CNTN4: variants seen among roughly 807,000 people sequenced by gnomAD.
CNTN4 encodes contactin-4.
CNTN4 carries 77 observed loss-of-function variants against 122.5 expected under a neutral mutation model. That is an observed-to-expected ratio of 0.63 (90% CI 0.52 to 0.76). The LOEUF is 0.76. Among genes scored for constraint, CNTN4 ranks in the 30% least tolerant of loss-of-function variants. CNTN4 has a pLI of 0.00. For synonymous variants in CNTN4, 512 were observed against 447.0 expected, an observed-to-expected ratio of 1.15 and a Z score of -1.83; for missense variants, 1,256 against 1,259.1, an observed-to-expected ratio of 1.00 and a Z score of 0.04.
At chr3:2,956,465 G>A (rs1391936) in intron 13 of CNTN4, among the ~76,000 whole-genome samples, 3,880 of 151,870 alleles carry the variant, frequency 0.026, 170 homozygotes, top group African/African-American at 0.089. Context: ...TTTTACCACA[G>A]TAAAAAAGAT....
chr3:2,429,905 A>G (rs2648687), intron 3 of CNTN4, among the ~76,000 whole-genome samples: 46,230 of 151,886 alleles, frequency 0.3, 7,407 homozygotes, highest in Admixed American at 0.38. Flanking sequence ...TAATTTTGCT[A>G]AAACCATTGG....
At chr3:2,572,755 G>A (rs1368251283) in intron 4 of CNTN4, among the ~76,000 whole-genome samples, 3 of 152,160 alleles carry the variant, frequency 2.0e-5, no homozygotes, top group Non-Finnish European at 4.4e-5. Context: ...ACTGGGATCT[G>A]GGAATATAAT....
intron 3 of CNTN4, among the ~76,000 whole-genome samples, chr3:2,505,384 A>T (rs1408461823): frequency 3.9e-5 from 6 of 152,154 alleles, no homozygotes; most frequent in Admixed American, 1.3e-4. Flanking sequence ...TGAAATTTTT[A>T]AAAAAATATT....
At chr3:2,462,874 G>C (rs997433157) in intron 3 of CNTN4, among the ~76,000 whole-genome samples, 2 of 152,076 alleles carry the variant, frequency 1.3e-5, no homozygotes, top group Non-Finnish European at 2.9e-5. Context: ...TCCTAAAATA[G>C]TATCATTTCA....
chr3:2,426,977 C>G (rs374881257), intron 3 of CNTN4, among the ~76,000 whole-genome samples: 5 of 152,098 alleles, frequency 3.3e-5, no homozygotes, highest in South Asian at 4.1e-4. Flanking sequence ...CTTTATTAGT[C>G]TTGCTAGCGG....
chr3:2,545,833 C>T (rs530539548), intron 3 of CNTN4, among the ~76,000 whole-genome samples: 1 of 151,992 alleles, frequency 6.6e-6, no homozygotes, highest in African/African-American at 2.4e-5. Flanking sequence ...CCTTGCCACT[C>T]TGTGCCTTTT....
intron 2 of CNTN4, among the ~76,000 whole-genome samples, chr3:2,118,295 G>A (rs373722033): frequency 3.3e-5 from 5 of 152,152 alleles, no homozygotes; most frequent in South Asian, 4.1e-4. Flanking sequence ...CTGATTGTGA[G>A]CTAAAGCTCT....
chr3:2,192,828 AAAAT>A (rs1033201131), intron 2 of CNTN4, among the ~76,000 whole-genome samples: 14 of 152,272 alleles, frequency 9.2e-5, no homozygotes, highest in Non-Finnish European at 1.6e-4. Context: ...CTATTTAAAA[AAAAT>A]AAATAATGAG....
intron 4 of CNTN4, among the ~76,000 whole-genome samples, chr3:2,617,993 A>G (rs927322099): frequency 6.6e-5 from 10 of 152,192 alleles, no homozygotes; most frequent in African/African-American, 2.2e-4. Flanking sequence ...GAAGTAGAAA[A>G]TATTAAGTAA....
rs553197750 is a variant in CNTN4 at position 2,357,415 on chromosome 3, C to T, written c.-89+18182C>T. On this transcript the variant is annotated intron_variant, in intron 3 of 24. Coordinates refer to ENST00000418658, the MANE Select transcript of CNTN4 (RefSeq NM_175607.3). ...CTTAAGGGACTAATATTTATTATGT[C>T]GATTCCATGCTGTTTTGTTCACTTT... is the stretch of plus-strand genomic sequence containing the variant. 5.9e-5 allele frequency among the ~76,000 whole-genome samples: 9 copies of T among 152,270 alleles called. No homozygotes were observed. The East Asian group carries it at 1.5e-3, about 26-fold the overall frequency.
At chr3:2,803,929 G>C (rs892944504) in intron 6 of CNTN4, among the ~76,000 whole-genome samples, 2 of 152,038 alleles carry the variant, frequency 1.3e-5, no homozygotes, top group Non-Finnish European at 2.9e-5. Context: ...CATTGAGACT[G>C]AGTCTCAAAG....
chr3:2,290,344 T>C (rs1267116042), intron 2 of CNTN4, among the ~76,000 whole-genome samples: 2 of 152,164 alleles, frequency 1.3e-5, no homozygotes, highest in African/African-American at 4.8e-5. Context: ...TCTTGGTATG[T>C]TATGACTTGA....
intron 3 of CNTN4, among the ~76,000 whole-genome samples, chr3:2,508,925 C>T (rs1205510511): frequency 6.6e-6 from 1 of 152,028 alleles, no homozygotes; most frequent in Non-Finnish European, 1.5e-5. Context: ...TGGTATATCT[C>T]TAGGGAGAAA....
chr3:2,164,160 A>T (rs112228812), intron 2 of CNTN4, among the ~76,000 whole-genome samples: 7,579 of 152,210 alleles, frequency 0.05, 273 homozygotes, highest in Non-Finnish European at 0.074. Context: ...CTGTACCCCC[A>T]CAACTATTGA....
chr3:2,344,091 C>T (rs2044307540), intron 3 of CNTN4, among the ~76,000 whole-genome samples: 1 of 152,068 alleles, frequency 6.6e-6, no homozygotes, highest in Non-Finnish European at 1.5e-5. Flanking sequence ...CCCCCATGGC[C>T]CAAACACCTC....
At chr3:2,624,792 C>G (rs1327885020) in intron 4 of CNTN4, among the ~76,000 whole-genome samples, 2 of 151,786 alleles carry the variant, frequency 1.3e-5, no homozygotes, top group Non-Finnish European at 2.9e-5. Context: ...CTACCACTCC[C>G]AGCTAATTTT....
intron 13 of CNTN4, among the ~76,000 whole-genome samples, chr3:2,951,270 T>C (rs1316310826): frequency 2.0e-5 from 3 of 151,358 alleles, no homozygotes; most frequent in African/African-American, 7.3e-5. Context: ...GGGTGGGAGG[T>C]GGTTTTGGGA....
chr3:2,558,856 G>A (rs943919638), intron 3 of CNTN4, among the ~76,000 whole-genome samples: 7 of 152,132 alleles, frequency 4.6e-5, no homozygotes, highest in African/African-American at 1.7e-4. Context: ...AACTGCAAAT[G>A]ATCACTCTAT....
At chr3:2,103,811 C>T (rs1322484710) in intron 2 of CNTN4, among the ~76,000 whole-genome samples, 1 of 152,110 alleles carries the variant, frequency 6.6e-6, no homozygotes, top group Non-Finnish European at 1.5e-5. Context: ...CCCTCTTGTT[C>T]TCATCCTGTT....
Sources: gnomAD v4.1 joint callset for allele counts (sites outside exome capture counted in the v4.1 genomes callset) on GRCh38, gnomAD v4.1.1 for gene constraint, MANE v1.5 for transcripts, NCBI Gene and HGNC (gene_info 2026-07-23, HGNC 2026-07-21) for gene names.